The following LAIR1 variants were observed in gnomAD, a reference collection of about 807,000 sequenced individuals.
The protein encoded by LAIR1 is leukocyte-associated immunoglobulin-like receptor 1.
Under a neutral mutation model 32.8 loss-of-function variants are expected in LAIR1, and 24 were observed. The observed-to-expected ratio is 0.73, with a 90% CI of 0.53 to 1.03. The LOEUF (loss-of-function observed/expected upper bound fraction) is 1.03, where lower values mean the gene tolerates loss of function less well. Ranked by LOEUF, LAIR1 falls within the 50% of genes least tolerant of loss-of-function variation. LAIR1 has a pLI of 0.00. For missense variants in LAIR1, 355 were observed against 347.5 expected, an observed-to-expected ratio of 1.02 and a Z score of -0.17; for synonymous variants, 150 against 140.5, an observed-to-expected ratio of 1.07 and a Z score of -0.48.
chr19:54,366,611 C>G (rs1010484413), upstream of LAIR1, among the ~76,000 whole-genome samples: 1 of 152,112 alleles, frequency 6.6e-6, no homozygotes, highest in African/African-American at 2.4e-5. Context: ...GCCTCAGCCT[C>G]CCGATTAGCT....
chr19:54,367,281 C>T (rs1292767331), upstream of LAIR1, among the ~76,000 whole-genome samples: 1 of 152,094 alleles, frequency 6.6e-6, no homozygotes, highest in African/African-American at 2.4e-5. Context: ...ACTTGGATCT[C>T]GTGGACAGAC....
chr19:54,364,420 C>T lies in LAIR1; in HGVS notation c.35-90G>A, dbSNP rs1323023971. 6.7e-7 allele frequency: 1 copy of T among 1,495,052 alleles called. No homozygotes were observed. Among genetic ancestry groups the T allele is most frequent in the Admixed American group, 1.7e-5 (1 of 58,440 alleles). The allele number at this position is 1,495,052 out of a possible 1,614,324, so 92.6% of individuals were successfully genotyped here. ...AAGGGGGCTCGATGGAGCTGGGGGG[C>T]ATTCAGCATTTCATAACGACCAAGC... On this transcript the variant is annotated intron_variant, in intron 1 of 9. Transcript: ENST00000391742. This position sits in a 1 kb window ranked among gnomAD's most constrained non-coding sequence, Gnocchi z 4.8.
upstream of LAIR1, among the ~76,000 whole-genome samples, chr19:54,370,971 C>CT (rs1212577975): frequency 1.4e-4 from 20 of 147,880 alleles, no homozygotes; most frequent in East Asian, 2.4e-3. Flanking sequence ...TTTCTTTTTG[C>CT]TTTTTTTTTC....
chr19:54,357,085 C>T (rs1000576961), intron 4 of LAIR1, 119 bp from the exon 5 acceptor site: 4 of 871,600 alleles, frequency 4.6e-6, no homozygotes, highest in Non-Finnish European at 7.3e-6. Context: ...CCTGACTGCT[C>T]CCTCTAGACC....
chr19:54,355,269 C>A lies in LAIR1; in HGVS notation c.863G>T (p.Ter288LeuextTer16). 1 of 1,601,792 alleles carries A rather than the reference C, an allele frequency of 6.2e-7. No homozygotes were observed. The highest frequency in any genetic ancestry group is 8.5e-7 in the Non-Finnish European group (1 of 1,173,670). Residue 288 changes from the stop codon to leucine (L), a stop_lost, in exon 10 of 10, where the codon TGA (stop) becomes TTA (leucine). Coordinates refer to ENST00000391742, the MANE Select transcript of LAIR1 (RefSeq NM_002287.6). The surrounding 1 kb of genome is among the most constrained non-coding windows in gnomAD (Gnocchi z 4.7). ...TGCAGAGGCCAGGTGGGTATGGGGTCAGTGTCTGGCAACGGCTGCATACGT... is the reference window on the plus strand; with the variant it reads ...TGCAGAGGCCAGGTGGGTATGGGGTAAGTGTCTGGCAACGGCTGCATACGT... ...SITYAAVARH[*>L]
chr19:54,355,317 G>A lies in LAIR1; in HGVS notation c.815C>T (p.Thr272Ile). The A allele has an allele frequency of 1.2e-6, 2 of 1,613,432 alleles. No individual in the cohort carries two copies. Among genetic ancestry groups the A allele is most frequent in the Non-Finnish European group, 8.5e-7 (1 of 1,179,642 alleles). Residue 272 changes from threonine (T) to isoleucine (I), a missense_variant, in exon 10 of 10, where the codon ACA becomes ATA. Thr to Ile is a moderately conservative substitution (Grantham distance 89). Coordinates refer to ENST00000391742, the MANE Select transcript of LAIR1 (RefSeq NM_002287.6). This position sits in a 1 kb window ranked among gnomAD's most constrained non-coding sequence, Gnocchi z 4.7. ...CGTGATGGACTCGGCCATGGGCTTTGTGGACTGTGGGGACACAGCCCGGGC... is the reference window on the plus strand; with the variant it reads ...CGTGATGGACTCGGCCATGGGCTTTATGGACTGTGGGGACACAGCCCGGGC... ...RTARAVSPQS[T>I]KPMAESITYA...
In LAIR1 at chr19:54,354,360, C is replaced by T. The variant is rs1227314775; in HGVS notation, c.*908G>A. 1 of 152,186 alleles carries T rather than the reference C, an allele frequency of 6.6e-6. No homozygotes were observed. Among genetic ancestry groups the T allele is most frequent in the African/African-American group, 2.4e-5 (1 of 41,428 alleles). The allele number at this position is 152,186 out of a possible 1,614,324, so 9.4% of individuals were successfully genotyped here. The stretch of plus-strand genomic sequence containing the variant: ...ACCTCCCTCATTCATTCCTGATACA[C>T]GTGATTTGTCAGAAAACACTGACAC... On this transcript the variant is annotated 3_prime_UTR_variant, in exon 10 of 10. Coordinates refer to ENST00000391742, the MANE Select transcript of LAIR1 (RefSeq NM_002287.6).
At chr19:54,365,377 C>T (rs568951837), upstream of LAIR1, among the ~76,000 whole-genome samples, 16 of 152,238 alleles carry the variant, frequency 1.1e-4, no homozygotes, top group African/African-American at 3.9e-4. Context: ...CTGGATCCCT[C>T]GCATACCACA....
At position 54,353,799 on chromosome 19, in the gene LAIR1, C is replaced by G. The variant is rs1176433023; in HGVS notation, c.*1469G>C. On this transcript the variant is annotated 3_prime_UTR_variant, in exon 10 of 10. Coordinates refer to ENST00000391742, the MANE Select transcript of LAIR1 (RefSeq NM_002287.6). The stretch of plus-strand genomic sequence containing the variant: ...CCAGGCTGGAGTGCAGTGGCACCAC[C>G]TCGGCTCACTGCAAACTCCGCCTCC... 1.3e-5 allele frequency: 2 copies of G among 151,414 alleles called. No homozygotes were observed. Among genetic ancestry groups the G allele is most frequent in the Middle Eastern group, 3.4e-3 (1 of 296 alleles). The allele number at this position is 151,414 out of a possible 1,614,324, so 9.4% of individuals were successfully genotyped here. A position where few individuals can be genotyped will look rare whatever the true frequency, so the allele number is the denominator to read the frequency against.
chr19:54,356,327 G>A (rs747000820), intron 7 of LAIR1, 29 bp downstream of exon 7: 3 of 1,598,770 alleles, frequency 1.9e-6, no homozygotes, highest in Non-Finnish European at 2.6e-6. Flanking sequence ...ACTGGGTGGA[G>A]GTCCAGGAGT....
upstream of LAIR1, among the ~76,000 whole-genome samples, chr19:54,367,908 G>A (rs1350824998): frequency 6.7e-6 from 1 of 149,422 alleles, no homozygotes; most frequent in African/African-American, 2.5e-5. Flanking sequence ...CAGTAGCTGG[G>A]ACTACAGGCG....
upstream of LAIR1, among the ~76,000 whole-genome samples, chr19:54,365,469 T>A (rs2122595137): frequency 6.6e-6 from 1 of 152,252 alleles, no homozygotes; most frequent in South Asian, 2.1e-4. Flanking sequence ...TACCATATGG[T>A]CCAGCAATCC....
chr19:54,364,875 A>G lies in LAIR1; in HGVS notation c.-71T>C. The G allele has an allele frequency of 6.2e-7, 1 of 1,613,718 alleles. No homozygotes were observed. Among genetic ancestry groups the G allele is most frequent in the Middle Eastern group, 1.6e-4 (1 of 6,062 alleles). ...AAGGACAGAACTCTGCAGCAGACACAAGCAGACAGGATGTGCTGCCCGGGG... is the reference window on the plus strand; with the variant it reads ...AAGGACAGAACTCTGCAGCAGACACGAGCAGACAGGATGTGCTGCCCGGGG... On this transcript the variant is annotated 5_prime_UTR_variant, in exon 1 of 10. Transcript: ENST00000391742. This position sits in a 1 kb window ranked among gnomAD's most constrained non-coding sequence, Gnocchi z 4.8.
Position 54,364,463 on chromosome 19 carries a change from A to G in LAIR1, c.35-133T>C, listed in dbSNP as rs1198651177. On this transcript the variant is annotated intron_variant, in intron 1 of 9. Transcript: ENST00000391742. This position sits in a 1 kb window ranked among gnomAD's most constrained non-coding sequence, Gnocchi z 4.8. The stretch of plus-strand genomic sequence containing the variant: ...GACCAAGCCAACCCTCCTCGACATC[A>G]CTGTCTCCATGTAATCCTTCTTGCT... 1.2e-6 allele frequency: 1 copy of G among 852,150 alleles called. No homozygotes were observed. Among genetic ancestry groups the G allele is most frequent in the Non-Finnish European group, 2.0e-6 (1 of 506,554 alleles). 52.8% of individuals were successfully genotyped at this position (852,150 alleles called of 1,614,324 possible). A position where few individuals can be genotyped will look rare whatever the true frequency, so the allele number is the denominator to read the frequency against.
upstream of LAIR1, among the ~76,000 whole-genome samples, chr19:54,366,033 C>T (rs570119498): frequency 6.6e-6 from 1 of 152,266 alleles, no homozygotes; most frequent in East Asian, 1.9e-4. Context: ...AGACCAAGTA[C>T]TGCATGATGT....
Position 54,356,210 on chromosome 19 carries a change from C to G in LAIR1, c.664+20G>C. On this transcript the variant is annotated intron_variant, in intron 8 of 9. Coordinates refer to ENST00000391742, the MANE Select transcript of LAIR1 (RefSeq NM_002287.6). ...CCCCACTTCCCCATCCCAGGCCTGTCCCTCCTCCTCCCCCTTTACCTGCTG... is the reference window on the plus strand; with the variant it reads ...CCCCACTTCCCCATCCCAGGCCTGTGCCTCCTCCTCCCCCTTTACCTGCTG... 6.2e-7 allele frequency: 1 copy of G among 1,608,936 alleles called. No homozygotes were observed. The highest frequency in any genetic ancestry group is 2.2e-5 in the East Asian group (1 of 44,848).
rs1216997003 is a variant in LAIR1 at position 54,354,754 on chromosome 19, T to G, written c.*514A>C. On this transcript the variant is annotated 3_prime_UTR_variant, in exon 10 of 10. Transcript: ENST00000391742. ...ACTGGGCTTGGCTCTCAGCTGTGTG[T>G]GTATAGCACAGTCTCAAGGCTAGCT... is the stretch of plus-strand genomic sequence containing the variant. 2 of 152,552 alleles carry G rather than the reference T, an allele frequency of 1.3e-5. No individual in the cohort carries two copies. The highest frequency in any genetic ancestry group is 2.9e-5 in the Non-Finnish European group (2 of 68,314). The allele number at this position is 152,552 out of a possible 1,614,324, so 9.4% of individuals were successfully genotyped here. A position where few individuals can be genotyped will look rare whatever the true frequency, so the allele number is the denominator to read the frequency against.
At chr19:54,365,733 G>C (rs1383187317), upstream of LAIR1, among the ~76,000 whole-genome samples, 1 of 151,010 alleles carries the variant, frequency 6.6e-6, no homozygotes, top group Non-Finnish European at 1.5e-5. Context: ...AGTGAGCTGA[G>C]ATTGCACCAT....
At chr19:54,369,794 T>C (rs1322249584), upstream of LAIR1, among the ~76,000 whole-genome samples, 13 of 151,502 alleles carry the variant, frequency 8.6e-5, no homozygotes, top group African/African-American at 2.9e-4. Flanking sequence ...CAAGATGCAA[T>C]GTGAAATGTC....
Sources: allele counts gnomAD v4.1 joint callset (sites outside exome capture counted in the v4.1 genomes callset), GRCh38; gene constraint gnomAD v4.1.1; non-coding constraint Gnocchi (gnomAD v3.1); transcripts MANE v1.5; gene names NCBI Gene and HGNC (gene_info 2026-07-23, HGNC 2026-07-21).